SIPA1L2: variants seen among roughly 807,000 people sequenced by gnomAD.
SIPA1L2 encodes the protein signal-induced proliferation-associated 1-like protein 2.
SIPA1L2 carries 56 observed loss-of-function variants against 163.9 expected under a neutral mutation model. That is an observed-to-expected ratio of 0.34 (90% confidence interval 0.28 to 0.43). The LOEUF is 0.43. SIPA1L2 is among the 20% of genes least tolerant of loss of function. SIPA1L2 has a pLI of 1.00. For missense variants in SIPA1L2, 1,974 were observed against 2,193.5 expected (o/e 0.90, Z 2.00); for synonymous variants, 877 against 865.7 (o/e 1.01, Z -0.23).
chr1:232,445,006 C>T (rs1274946407), intron 11 of SIPA1L2, among the ~76,000 whole-genome samples: 1 of 152,188 alleles, frequency 6.6e-6, no homozygotes, highest in Non-Finnish European at 1.5e-5. Context: ...TCCAATGGTA[C>T]TGGATTTAAC....
In SIPA1L2 at chr1:232,439,152, C is replaced by T. The variant is rs764692765; in HGVS notation, c.3987G>A (p.Ala1329=). 6.8e-6 allele frequency: 11 copies of T among 1,612,974 alleles called. 2 individuals carry two copies. Among genetic ancestry groups the T allele is most frequent in the Middle Eastern group, 3.3e-4 (2 of 6,058 alleles). The part of the protein sequence containing the change: ...YASTISAGSA[A]EGSMGDLSEI... ...CACTGAGATCGCCCATGCTGCCTTC[C>T]GCAGCACTGCCGGCGGAGATGGTGG... Residue 1329 remains alanine (A), a synonymous_variant, in exon 15 of 23, where the codon GCG becomes GCA. Transcript: ENST00000674635.
At chr1:232,417,866 C>T (rs879825072) in intron 18 of SIPA1L2, among the ~76,000 whole-genome samples, 6 of 152,282 alleles carry the variant, frequency 3.9e-5, no homozygotes, top group South Asian at 2.1e-4. Context: ...GGTGCAAGAG[C>T]GGCATAGCTC....
rs1660471162 is a variant in SIPA1L2, at chr1:232,403,547, G to A, written c.4841C>T (p.Thr1614Ile). ...CTGCCCATGCTGCATATCTGTCAGGGTGCAGAAGGATGCCACCCTCTGGTC... is the reference window on the plus strand; with the variant it reads ...CTGCCCATGCTGCATATCTGTCAGGATGCAGAAGGATGCCACCCTCTGGTC... Reference protein sequence around the residue: ...YLDQRVASFCTLTDMQHGQDL... With the variant: ...YLDQRVASFCILTDMQHGQDL... The change falls in exon 21 of 23, where the codon ACC becomes ATC. Residue 1614 changes from threonine (T) to isoleucine (I), a missense_variant. Transcript: ENST00000674635. 1 of 1,613,904 alleles carries A rather than the reference G, an allele frequency of 6.2e-7. No individual in the cohort carries two copies. The highest frequency in any genetic ancestry group is 1.7e-5 in the Admixed American group (1 of 59,980).
At chr1:232,403,194 T>C (rs1660446262) in intron 21 of SIPA1L2, among the ~76,000 whole-genome samples, 1 of 152,196 alleles carries the variant, frequency 6.6e-6, no homozygotes. Flanking sequence ...CTCGTCACCA[T>C]GGGCACAGGG....
intron 2 of SIPA1L2, among the ~76,000 whole-genome samples, chr1:232,570,945 TA>T (rs11300623): frequency 0.25 from 18,964 of 76,760 alleles, 2,306 homozygotes; most frequent in East Asian, 0.55. Flanking sequence ...CCAGAAACTA[TA>T]AAAAAAAAAA....
intron 2 of SIPA1L2, among the ~76,000 whole-genome samples, chr1:232,545,139 C>G (rs1657951501): frequency 6.6e-6 from 1 of 152,152 alleles, no homozygotes; most frequent in Admixed American, 6.5e-5. Context: ...TTAAAAAAAT[C>G]TGATAGCAAC....
intron 2 of SIPA1L2, among the ~76,000 whole-genome samples, chr1:232,564,235 CGTGT>C (rs59088753): frequency 0.093 from 2,750 of 29,616 alleles, 265 homozygotes; most frequent in Non-Finnish European, 0.1. Context: ...TTTTTTTTTT[CGTGT>C]GTGTGTGTGT....
intron 2 of SIPA1L2, among the ~76,000 whole-genome samples, chr1:232,515,836 T>G (rs192140948): frequency 1.0e-3 from 159 of 152,320 alleles, no homozygotes; most frequent in African/African-American, 3.6e-3. Flanking sequence ...GAAACTTTCC[T>G]AGGATGTCTC....
At chr1:232,486,908 A>C (rs1215417379) in intron 5 of SIPA1L2, among the ~76,000 whole-genome samples, 2 of 152,232 alleles carry the variant, frequency 1.3e-5, no homozygotes, top group African/African-American at 4.8e-5. Context: ...GATTCCATAC[A>C]CTTAACATTC....
rs185324996 is a variant in SIPA1L2 at position 232,449,322 on chromosome 1, T to G, written c.3096-3536A>C. Among the ~76,000 whole-genome samples, 195 of 151,838 alleles carry G rather than the reference T, an allele frequency of 1.3e-3. 3 individuals are homozygous for G. Among genetic ancestry groups the G allele is most frequent in the Admixed American group, 9.8e-3 (150 of 15,256 alleles). ...TCACGAGGTCAGGAGATTGAGACCATCCTGGCTAACATGGTGAAACCCCGT... is the reference window on the plus strand; with the variant it reads ...TCACGAGGTCAGGAGATTGAGACCAGCCTGGCTAACATGGTGAAACCCCGT... On this transcript the variant is annotated intron_variant, in intron 10 of 22. Transcript: ENST00000674635.
At chr1:232,400,387 G>A (rs1660263468) in intron 22 of SIPA1L2, among the ~76,000 whole-genome samples, 1 of 152,106 alleles carries the variant, frequency 6.6e-6, no homozygotes, top group Non-Finnish European at 1.5e-5. Context: ...ATTCTGCCAA[G>A]AAGACCTTGT....
intron 10 of SIPA1L2, among the ~76,000 whole-genome samples, chr1:232,451,445 G>A (rs1663568397): frequency 6.6e-6 from 1 of 152,096 alleles, no homozygotes; most frequent in Non-Finnish European, 1.5e-5. Flanking sequence ...TGGGGCACAT[G>A]GCAAATATTT....
At chr1:232,589,241 G>A (rs991676648) in intron 1 of SIPA1L2, among the ~76,000 whole-genome samples, 8 of 152,194 alleles carry the variant, frequency 5.3e-5, no homozygotes, top group Non-Finnish European at 1.0e-4. Context: ...TCTCTTTAGG[G>A]TCAGACAATG....
intron 2 of SIPA1L2, among the ~76,000 whole-genome samples, chr1:232,572,748 TA>T (rs1558277575): frequency 3.6e-5 from 2 of 56,148 alleles, no homozygotes; most frequent in African/African-American, 1.4e-4. Flanking sequence ...CATATATATA[TA>T]TATATATATA....
At chr1:232,438,340 A>C (rs1341124271) in intron 15 of SIPA1L2, among the ~76,000 whole-genome samples, 1 of 152,224 alleles carries the variant, frequency 6.6e-6, no homozygotes, top group African/African-American at 2.4e-5. Flanking sequence ...CTTGGAAACA[A>C]GCAGAAAAAT....
chr1:232,558,339 G>T (rs1452965118), intron 2 of SIPA1L2, among the ~76,000 whole-genome samples: 1 of 152,094 alleles, frequency 6.6e-6, no homozygotes, highest in African/African-American at 2.4e-5. Flanking sequence ...TCCTCTCCTG[G>T]GCAGTCCTTG....
intron 3 of SIPA1L2, among the ~76,000 whole-genome samples, chr1:232,502,317 A>G (rs1666522937): frequency 6.6e-6 from 1 of 152,172 alleles, no homozygotes; most frequent in South Asian, 2.1e-4. Context: ...AATAAACTGC[A>G]TCATCGAGTA....
At chr1:232,567,823 T>C (rs150431863) in intron 2 of SIPA1L2, among the ~76,000 whole-genome samples, 247 of 152,134 alleles carry the variant, frequency 1.6e-3, no homozygotes, top group African/African-American at 5.6e-3. Flanking sequence ...AATCGGAGGG[T>C]TGGGACTTTC....
At chr1:232,400,840 A>G (rs1469622989) in intron 22 of SIPA1L2, among the ~76,000 whole-genome samples, 2 of 151,894 alleles carry the variant, frequency 1.3e-5, no homozygotes, top group East Asian at 3.9e-4. Flanking sequence ...ATCCTATACC[A>G]TGCTATTGTC....
Sources: allele counts gnomAD v4.1 joint callset (sites outside exome capture counted in the v4.1 genomes callset), GRCh38; gene constraint gnomAD v4.1.1; transcripts MANE v1.5; gene names NCBI Gene and HGNC (gene_info 2026-07-23, HGNC 2026-07-21).